TJP2: variants seen among roughly 807,000 people sequenced by gnomAD.
TJP2 encodes the protein Friedreich ataxia region gene X104 (tight junction protein ZO-2).
A neutral mutation model predicts 133.1 loss-of-function variants in TJP2; 91 were observed. That is an observed-to-expected ratio of 0.68 (90% CI 0.58 to 0.81). TJP2 has a LOEUF of 0.81. Among genes scored for constraint, TJP2 ranks in the 40% least tolerant of loss-of-function variants. The pLI is 0.00. For synonymous variants in TJP2, 592 were observed against 583.4 expected (o/e 1.01, Z -0.21); for missense variants, 1,541 against 1,565.6 (o/e 0.98, Z 0.26).
chr9:69,151,317 A>C (rs1452071523), intron 1 of TJP2, among the ~76,000 whole-genome samples: 1 of 152,112 alleles, frequency 6.6e-6, no homozygotes, highest in Non-Finnish European at 1.5e-5. Context: ...CCCCGTCTCT[A>C]CTAAAAATAC....
Position 69,218,470 on chromosome 9 carries a change from C to T in TJP2, c.342+111C>T, listed in dbSNP as rs148364966. On this transcript the variant is annotated intron_variant, in intron 4 of 22. Coordinates refer to ENST00000377245, the MANE Select transcript of TJP2 (RefSeq NM_004817.4). ...TGACAGAATTACATAACCTAGGGAC[C>T]GCTGTTCTTGGATCCTCAGTACTTT... 1.1e-3 allele frequency: 849 copies of T among 798,206 alleles called. 5 individuals carry two copies. The highest frequency in any genetic ancestry group is 0.011 in the African/African-American group (621 of 58,800). The allele number at this position is 798,206 out of a possible 1,614,324, so 49.4% of individuals were successfully genotyped here. A position where few individuals can be genotyped will look rare whatever the true frequency, so the allele number is the denominator to read the frequency against.
At chr9:69,156,809 G>A (rs1279444680) in intron 2 of TJP2, among the ~76,000 whole-genome samples, 8 of 152,090 alleles carry the variant, frequency 5.3e-5, no homozygotes, top group Non-Finnish European at 1.0e-4. Flanking sequence ...GTGAGCCACC[G>A]CGCCCGGCCA....
At chr9:69,186,361 A>T (rs1373529523) in intron 1 of TJP2, among the ~76,000 whole-genome samples, 1 of 152,228 alleles carries the variant, frequency 6.6e-6, no homozygotes, top group Non-Finnish European at 1.5e-5. Flanking sequence ...ATTTGAAGTG[A>T]TAAGGAAGGC....
rs1207392864 is a variant in TJP2, at chr9:69,229,211, C to T, written c.1481C>T (p.Thr494Ile). 1 of 1,614,056 alleles carries T rather than the reference C, an allele frequency of 6.2e-7. No homozygotes were observed. Among genetic ancestry groups the T allele is most frequent in the African/African-American group, 1.3e-5 (1 of 74,930 alleles). The change falls in exon 10 of 23, where the codon ACT becomes ATT. Residue 494 changes from threonine (T) to isoleucine (I), a missense_variant. Physicochemically the swap from Thr to Ile is moderately conservative, Grantham distance 89. Coordinates refer to ENST00000377245, the MANE Select transcript of TJP2 (RefSeq NM_004817.4). ...PAPQPKAAPRTFLRPSPEDEA... is the reference protein window; with the variant it reads ...PAPQPKAAPRIFLRPSPEDEA... ...CCTCAACCAAAAGCAGCCCCGAGAACTTTTCTTCGTCCTAGTCCTGAAGAT... is the reference window on the plus strand; with the variant it reads ...CCTCAACCAAAAGCAGCCCCGAGAATTTTTCTTCGTCCTAGTCCTGAAGAT...
At chr9:69,207,379 A>G (rs572880495) in intron 1 of TJP2, among the ~76,000 whole-genome samples, 10 of 152,312 alleles carry the variant, frequency 6.6e-5, no homozygotes, top group South Asian at 4.1e-4. Context: ...GTGGTGGTCT[A>G]TGTGACTGGT....
At chr9:69,214,254 T>G (rs573634393) in intron 2 of TJP2, among the ~76,000 whole-genome samples, 2 of 152,180 alleles carry the variant, frequency 1.3e-5, no homozygotes, top group African/African-American at 4.8e-5. Flanking sequence ...CCTGGCTAAT[T>G]TTTGTATTTT....
intron 2 of TJP2, 92 bp downstream of exon 2, chr9:69,212,693 C>A: frequency 9.6e-7 from 1 of 1,039,156 alleles, no homozygotes; most frequent in Non-Finnish European, 1.5e-6. Flanking sequence ...ACAGTTTTGG[C>A]TTTTTTTTTC....
At chr9:69,151,852 C>A in intron 2 of TJP2, 1 of 1,214,070 alleles carries the variant, frequency 8.2e-7, no homozygotes, top group South Asian at 4.2e-5. Context: ...TTTTCACATT[C>A]TAGAGGTAGT....
intron 11 of TJP2, among the ~76,000 whole-genome samples, chr9:69,232,199 A>G (rs1829837276): frequency 6.6e-6 from 1 of 152,208 alleles, no homozygotes; most frequent in Admixed American, 6.5e-5. Context: ...CTGTCATCCC[A>G]TATGGAGGTC....
intron 1 of TJP2, among the ~76,000 whole-genome samples, chr9:69,133,251 T>C (rs1822575348): frequency 6.6e-6 from 1 of 151,852 alleles, no homozygotes; most frequent in African/African-American, 2.4e-5. Context: ...CATGAGCCAC[T>C]GTGCCCATCC....
Position 69,237,861 on chromosome 9 carries a change from C to T in TJP2, c.2180-17C>T, listed in dbSNP as rs751821362. On this transcript the variant is annotated splice_polypyrimidine_tract_variant and intron_variant, in intron 14 of 22. Coordinates refer to ENST00000377245, the MANE Select transcript of TJP2 (RefSeq NM_004817.4). ...AGGCAAGTGTGTATGCTTTAATGGC[C>T]TTTCTTGTCATTTCAGCTGGTTTCA... 6 of 1,591,264 alleles carry T rather than the reference C, an allele frequency of 3.8e-6. No homozygotes were observed. The highest frequency in any genetic ancestry group is 2.2e-5 in the East Asian group (1 of 44,730).
At chr9:69,250,576 C>A (rs1250020738) in intron 20 of TJP2, among the ~76,000 whole-genome samples, 1 of 152,194 alleles carries the variant, frequency 6.6e-6, no homozygotes, top group Admixed American at 6.5e-5. Flanking sequence ...TAGCGTGAAG[C>A]AGTGCTCTCC....
upstream of TJP2, chr9:69,174,174 C>T: frequency 3.1e-6 from 4 of 1,299,654 alleles, no homozygotes; most frequent in Non-Finnish European, 3.9e-6. Context: ...CGCGGAGGCG[C>T]CACGCTCGGG....
chr9:69,199,937 C>T (rs1826866582), intron 1 of TJP2, among the ~76,000 whole-genome samples: 1 of 152,118 alleles, frequency 6.6e-6, no homozygotes, highest in Admixed American at 6.5e-5. Flanking sequence ...GGGTTGTGGG[C>T]ATTCAGGGAA....
chr9:69,143,516 C>A, intron 1 of TJP2, among the ~76,000 whole-genome samples: 1 of 152,120 alleles, frequency 6.6e-6, no homozygotes, highest in African/African-American at 2.4e-5. Flanking sequence ...CAGCTGTAGC[C>A]AACCAAGTTC....
At chr9:69,246,460 A>G (rs1182893837) in intron 17 of TJP2, 3 of 510,482 alleles carry the variant, frequency 5.9e-6, no homozygotes, top group Non-Finnish European at 1.1e-5. Flanking sequence ...CTAAAAATCT[A>G]TTTTTAGCTT....
chr9:69,143,984 C>G (rs569292350), intron 1 of TJP2, among the ~76,000 whole-genome samples: 2 of 152,162 alleles, frequency 1.3e-5, no homozygotes, highest in Middle Eastern at 6.8e-3. Flanking sequence ...TATGAATATT[C>G]AAAACACAAA....
intron 1 of TJP2, among the ~76,000 whole-genome samples, chr9:69,151,441 T>C (rs1475534939): frequency 6.8e-6 from 1 of 147,508 alleles, no homozygotes; most frequent in Non-Finnish European, 1.5e-5. Flanking sequence ...TATCACACCA[T>C]TGCACTCTAG....
At chr9:69,176,434 C>T (rs1288070548) in intron 1 of TJP2, among the ~76,000 whole-genome samples, 1 of 152,044 alleles carries the variant, frequency 6.6e-6, no homozygotes, top group Non-Finnish European at 1.5e-5. Context: ...GGTAGGTGTC[C>T]AGGAAAAAAC....
Sources: gnomAD v4.1 joint callset for allele counts (sites outside exome capture counted in the v4.1 genomes callset) on GRCh38, gnomAD v4.1.1 for gene constraint, MANE v1.5 for transcripts, NCBI Gene and HGNC (gene_info 2026-07-23, HGNC 2026-07-21) for gene names.